OPCML: variants seen among roughly 807,000 people sequenced by gnomAD.
The protein encoded by OPCML is opioid binding protein/cell adhesion molecule like, also known as opioid-binding protein/cell adhesion molecule.
A neutral mutation model predicts 37.8 loss-of-function variants in OPCML; 13 were observed. The observed-to-expected ratio is 0.34, with a 90% CI of 0.22 to 0.55. OPCML has a LOEUF of 0.55. OPCML is among the 20% of genes least tolerant of loss of function. OPCML has a pLI of 0.91. For synonymous variants in OPCML, 176 were observed against 168.8 expected (o/e 1.04, Z -0.33); for missense variants, 341 against 435.6 (o/e 0.78, Z 1.93).
rs1477550849 is a variant in OPCML, at chr11:133,286,463, T to C, written c.61+245801A>G. 7.4e-5 allele frequency among the ~76,000 whole-genome samples: 8 copies of C among 108,362 alleles called. No homozygotes were observed. In the South Asian group the frequency reaches 1.9e-3, roughly 25 times the overall value. The allele number at this position is 108,362 out of a possible 152,430, so 71.1% of individuals were successfully genotyped here. ...CCAGCCTGGCGACAGAGCGAGACTG[T>C]GTCTCACAAAAAAAAAAAAAAAAAA... On this transcript the variant is annotated intron_variant, in intron 1 of 7. Coordinates refer to ENST00000524381, the MANE Select transcript of OPCML (RefSeq NM_001012393.5).
intron 4 of OPCML, among the ~76,000 whole-genome samples, chr11:132,467,259 C>T (rs975110406): frequency 2.6e-5 from 4 of 152,182 alleles, no homozygotes; most frequent in Non-Finnish European, 4.4e-5. Flanking sequence ...TCTAGCCTTC[C>T]GTCTCCCTTC....
Position 132,545,787 on chromosome 11 carries a change from C to A in OPCML, c.380-16601G>T, listed in dbSNP as rs533657620. On this transcript the variant is annotated intron_variant, in intron 3 of 7. Transcript: ENST00000524381. ...CATTTTTCAGAGCTGTGTAGTATTC[C>A]TTGGCATAAATGTATCATAGTTTAT... Among the ~76,000 whole-genome samples the A allele has an allele frequency of 6.8e-4, 104 of 152,220 alleles. 1 individual carries two copies. Among genetic ancestry groups the A allele is most frequent in the Admixed American group, 1.2e-3 (19 of 15,294 alleles).
In OPCML at chr11:133,353,160, T is replaced by TTTG. The variant is rs577758867; in HGVS notation, c.61+179101_61+179103dup. On this transcript the variant is annotated intron_variant, in intron 1 of 7. Coordinates refer to ENST00000524381, the MANE Select transcript of OPCML (RefSeq NM_001012393.5). ...CTTCCTTTGCCCTGTAAGCCCCTAT[T>TTTG]TTGTTGTTGTTGTTGTTGTTGTTTG... Among the ~76,000 whole-genome samples the TTTG allele has an allele frequency of 9.9e-4, 150 of 152,076 alleles. No individual in the cohort carries two copies. The East Asian group carries it at 0.013, about 13-fold the overall frequency.
intron 2 of OPCML, among the ~76,000 whole-genome samples, chr11:132,750,878 C>T (rs1182336239): frequency 6.6e-6 from 1 of 151,896 alleles, no homozygotes. Flanking sequence ...CACCCTTCCA[C>T]CAAAGGCATT....
At chr11:132,769,862 C>T (rs1946579730) in intron 2 of OPCML, among the ~76,000 whole-genome samples, 3 of 152,126 alleles carry the variant, frequency 2.0e-5, no homozygotes, top group Admixed American at 1.3e-4. Flanking sequence ...TAGGCATTTA[C>T]AAGATTCCAG....
intron 1 of OPCML, chr11:133,008,106 C>T (rs1947147330): frequency 1.0e-5 from 10 of 985,346 alleles, no homozygotes; most frequent in Non-Finnish European, 1.2e-5. Context: ...TCACCTTCTA[C>T]TATGGATCTT....
chr11:132,742,805 CTATA>C (rs1945478389), intron 2 of OPCML, among the ~76,000 whole-genome samples: 1 of 149,216 alleles, frequency 6.7e-6, no homozygotes, highest in Non-Finnish European at 1.5e-5. Flanking sequence ...TACAAGTACT[CTATA>C]TAATGTAATT....
intron 1 of OPCML, among the ~76,000 whole-genome samples, chr11:132,960,614 T>C (rs1459668045): frequency 1.3e-5 from 2 of 152,306 alleles, no homozygotes; most frequent in East Asian, 3.9e-4. Context: ...CTGTCTTCCC[T>C]TTTCTCTCTC....
chr11:132,505,390 T>C (rs1329938544), intron 4 of OPCML, among the ~76,000 whole-genome samples: 2 of 152,226 alleles, frequency 1.3e-5, no homozygotes, highest in African/African-American at 4.8e-5. Context: ...GTAAGTTTTA[T>C]GCTATGTGCA....
intron 2 of OPCML, among the ~76,000 whole-genome samples, chr11:132,759,205 T>C (rs1378711608): frequency 6.6e-6 from 1 of 152,224 alleles, no homozygotes; most frequent in African/African-American, 2.4e-5. Flanking sequence ...AGTTTGCCAG[T>C]ATTTTATTGA....
At chr11:133,329,352 C>T (rs1170078724) in intron 1 of OPCML, among the ~76,000 whole-genome samples, 1 of 152,110 alleles carries the variant, frequency 6.6e-6, no homozygotes, top group Non-Finnish European at 1.5e-5. Flanking sequence ...TCATATGGCA[C>T]CAAAAAAGAG....
At chr11:132,950,916 G>A (rs984497135) in intron 1 of OPCML, among the ~76,000 whole-genome samples, 1 of 152,140 alleles carries the variant, frequency 6.6e-6, no homozygotes, top group African/African-American at 2.4e-5. Context: ...ACAGGAAAAC[G>A]CTGCTCACTG....
intron 5 of OPCML, 183 bp from the exon 6 acceptor site, chr11:132,436,962 A>T: frequency 4.1e-6 from 4 of 964,170 alleles, no homozygotes; most frequent in Non-Finnish European, 4.9e-6. Flanking sequence ...AAGATACTGC[A>T]TTGACCCCAA....
At chr11:133,019,884 A>T (rs1190115252) in intron 1 of OPCML, among the ~76,000 whole-genome samples, 1 of 152,202 alleles carries the variant, frequency 6.6e-6, no homozygotes, top group East Asian at 1.9e-4. Flanking sequence ...CCCACGTACC[A>T]GCTGAGGGTC....
chr11:132,427,800 T>C (rs2095982619), intron 7 of OPCML, among the ~76,000 whole-genome samples: 1 of 152,176 alleles, frequency 6.6e-6, no homozygotes, highest in Admixed American at 6.5e-5. Context: ...ATGTCAATGA[T>C]TCAGAGCGAG....
intron 1 of OPCML, among the ~76,000 whole-genome samples, chr11:133,254,387 A>G (rs975732592): frequency 1.3e-5 from 2 of 152,242 alleles, no homozygotes; most frequent in African/African-American, 4.8e-5. Context: ...GTGAATAGTC[A>G]GGATAAGGTG....
chr11:132,855,920 C>T (rs560159332), intron 2 of OPCML, among the ~76,000 whole-genome samples: 2 of 152,172 alleles, frequency 1.3e-5, no homozygotes, highest in Admixed American at 6.5e-5. Context: ...TTTTAAGAAG[C>T]CATACTTTCT....
chr11:132,480,824 G>C (rs1461143803), intron 4 of OPCML, among the ~76,000 whole-genome samples: 1 of 152,058 alleles, frequency 6.6e-6, no homozygotes, highest in Non-Finnish European at 1.5e-5. Context: ...AATGCTGAGA[G>C]ATTTTGTCAC....
intron 3 of OPCML, among the ~76,000 whole-genome samples, chr11:132,570,785 A>G (rs1565674231): frequency 8.3e-6 from 1 of 120,288 alleles, no homozygotes; most frequent in African/African-American, 3.2e-5. Context: ...ATATATATAT[A>G]TATATATATA....
Sources: gnomAD v4.1 joint callset for allele counts (sites outside exome capture counted in the v4.1 genomes callset) on GRCh38, gnomAD v4.1.1 for gene constraint, MANE v1.5 for transcripts, NCBI Gene and HGNC (gene_info 2026-07-23, HGNC 2026-07-21) for gene names.